RBFOX1: variants seen among roughly 807,000 people sequenced by gnomAD.
The protein encoded by RBFOX1 is RNA binding fox-1 homolog 1, also known as RNA binding protein fox-1 homolog 1.
A neutral mutation model predicts 57.7 loss-of-function variants in RBFOX1; 8 were observed. The observed-to-expected ratio is 0.14, with a 90% CI of 0.08 to 0.25. The LOEUF is 0.25. Ranked by LOEUF, RBFOX1 falls within the 10% of genes least tolerant of loss-of-function variation. The pLI is 1.00. For missense variants in RBFOX1, 611 were observed against 548.5 expected, an observed-to-expected ratio of 1.11 and a Z score of -1.14; for synonymous variants, 326 against 222.4, an observed-to-expected ratio of 1.47 and a Z score of -4.15.
At chr16:7,402,386 C>G (rs1261955599) in intron 4 of RBFOX1, among the ~76,000 whole-genome samples, 1 of 152,162 alleles carries the variant, frequency 6.6e-6, no homozygotes, top group East Asian at 1.9e-4. Flanking sequence ...AGGCATTGTA[C>G]TTCTATACAA....
At chr16:7,543,666 TC>T (rs2083569836) in intron 5 of RBFOX1, among the ~76,000 whole-genome samples, 1 of 120,638 alleles carries the variant, frequency 8.3e-6, no homozygotes, top group Non-Finnish European at 1.7e-5. Context: ...CTGGGCAGTA[TC>T]TGTGTGTGTG....
intron 3 of RBFOX1, chr16:5,611,156 A>G (rs940071893): frequency 1.3e-5 from 2 of 152,232 alleles, no homozygotes; most frequent in Non-Finnish European, 2.9e-5. Context: ...GAATCCACCC[A>G]GTCTCCCTGC....
At chr16:5,511,429 T>C in intron 2 of RBFOX1, among the ~76,000 whole-genome samples, 1 of 152,188 alleles carries the variant, frequency 6.6e-6, no homozygotes. Context: ...TTTCATTTTG[T>C]CCTTTGTCGA....
intron 4 of RBFOX1, among the ~76,000 whole-genome samples, chr16:7,327,393 C>T (rs1603622758): frequency 1.3e-5 from 2 of 152,102 alleles, no homozygotes; most frequent in African/African-American, 4.8e-5. Context: ...TATGAAGGGC[C>T]TCAGATGCTG....
At chr16:5,354,256 T>C (rs1161243813) in intron 1 of RBFOX1, among the ~76,000 whole-genome samples, 2 of 152,208 alleles carry the variant, frequency 1.3e-5, no homozygotes, top group African/African-American at 4.8e-5. Context: ...TGTGTCTGTG[T>C]CTCTTTTTCT....
intron 4 of RBFOX1, among the ~76,000 whole-genome samples, chr16:5,887,717 T>A (rs150036675): frequency 6.6e-6 from 1 of 152,256 alleles, no homozygotes; most frequent in Non-Finnish European, 1.5e-5. Context: ...TTTCTCCTGT[T>A]TTTTACAGAA....
At chr16:7,601,834 T>A (rs2095041722) in intron 9 of RBFOX1, among the ~76,000 whole-genome samples, 1 of 152,180 alleles carries the variant, frequency 6.6e-6, no homozygotes, top group Non-Finnish European at 1.5e-5. Flanking sequence ...ATAGAAATCC[T>A]GTATTTTAGA....
intron 5 of RBFOX1, among the ~76,000 whole-genome samples, chr16:7,524,573 T>G (rs910719223): frequency 3.9e-5 from 6 of 152,192 alleles, no homozygotes; most frequent in African/African-American, 1.4e-4. Flanking sequence ...TTAACGCTTC[T>G]GCAGTCTGTT....
At chr16:7,186,233 CAT>C (rs1249666749) in intron 4 of RBFOX1, among the ~76,000 whole-genome samples, 4 of 126,258 alleles carry the variant, frequency 3.2e-5, no homozygotes, top group African/African-American at 6.9e-5. Flanking sequence ...TAAACATAAA[CAT>C]ATTTATATAA....
chr16:7,080,628 G>T (rs2059045299), intron 4 of RBFOX1, among the ~76,000 whole-genome samples: 1 of 152,078 alleles, frequency 6.6e-6, no homozygotes, highest in Admixed American at 6.6e-5. Context: ...TTCTCTTGGG[G>T]TACACTCACA....
chr16:7,127,169 A>G (rs1567363262), intron 4 of RBFOX1, among the ~76,000 whole-genome samples: 1 of 152,158 alleles, frequency 6.6e-6, no homozygotes, highest in African/African-American at 2.4e-5. Context: ...AATTTCAGAG[A>G]AAGAAAAGTC....
intron 3 of RBFOX1, among the ~76,000 whole-genome samples, chr16:5,844,303 G>C (rs1020008775): frequency 6.6e-6 from 1 of 152,208 alleles, no homozygotes; most frequent in Non-Finnish European, 1.5e-5. Context: ...GGCAAGAAAT[G>C]ATGCATGCTG....
intron 1 of RBFOX1, among the ~76,000 whole-genome samples, chr16:6,217,756 T>C (rs1193450452): frequency 2.0e-5 from 3 of 152,186 alleles, no homozygotes; most frequent in Non-Finnish European, 4.4e-5. Flanking sequence ...GGCTCGTGCC[T>C]GTAATCCCAG....
intron 3 of RBFOX1, among the ~76,000 whole-genome samples, chr16:6,890,530 A>C (rs2065164193): frequency 6.6e-6 from 1 of 152,156 alleles, no homozygotes; most frequent in Non-Finnish European, 1.5e-5. Context: ...AAACAAACAA[A>C]CAAAACCAAA....
chr16:5,839,982 G>T (rs978604594), intron 3 of RBFOX1, among the ~76,000 whole-genome samples: 1 of 152,172 alleles, frequency 6.6e-6, no homozygotes, highest in Non-Finnish European at 1.5e-5. Flanking sequence ...ACATCTAACA[G>T]TGTCTGCCAC....
intron 3 of RBFOX1, among the ~76,000 whole-genome samples, chr16:5,758,412 C>G (rs1330600990): frequency 6.6e-6 from 1 of 152,182 alleles, no homozygotes; most frequent in Non-Finnish European, 1.5e-5. Context: ...TGAAAAGCAT[C>G]TCTTAGACTG....
At chr16:6,807,834 A>C (rs571089404) in intron 3 of RBFOX1, among the ~76,000 whole-genome samples, 2 of 151,940 alleles carry the variant, frequency 1.3e-5, no homozygotes, top group East Asian at 3.9e-4. Context: ...TGCTTATTAT[A>C]TATATAGTTC....
At chr16:5,343,259 A>C (rs1217565002) in intron 1 of RBFOX1, among the ~76,000 whole-genome samples, 1 of 151,492 alleles carries the variant, frequency 6.6e-6, no homozygotes, top group Non-Finnish European at 1.5e-5. Context: ...TTTTCAGTTA[A>C]AGTCATTACA....
chr16:7,262,074 A>C lies in RBFOX1; in HGVS notation c.27+209976A>C, dbSNP rs140061249. 3.5e-3 allele frequency among the ~76,000 whole-genome samples: 528 copies of C among 152,252 alleles called. 4 individuals are homozygous for C. The highest frequency in any genetic ancestry group is 5.4e-3 in the Non-Finnish European group (370 of 68,014). ...TATGTACCTTTTTGGAGGTTTCACT[A>C]TGTTTTCCTTTTGCTGGGGGTACCA... On this transcript the variant is annotated intron_variant, in intron 4 of 15. Transcript: ENST00000550418.
Sources: allele counts gnomAD v4.1 joint callset (sites outside exome capture counted in the v4.1 genomes callset), GRCh38; gene constraint gnomAD v4.1.1; transcripts MANE v1.5; gene names NCBI Gene and HGNC (gene_info 2026-07-23, HGNC 2026-07-21).